TDP1: variants seen among roughly 807,000 people sequenced by gnomAD.
The protein encoded by TDP1 is tyr-DNA phosphodiesterase 1.
A neutral mutation model predicts 81.5 loss-of-function variants in TDP1; 64 were observed. The observed-to-expected ratio is 0.79, with a 90% CI of 0.64 to 0.97. TDP1 has a LOEUF of 0.97. Among genes scored for constraint, TDP1 ranks in the 50% least tolerant of loss-of-function variants. TDP1 has a pLI of 0.00. For synonymous variants in TDP1, 256 were observed against 264.3 expected (o/e 0.97, Z 0.30); for missense variants, 723 against 743.8 (o/e 0.97, Z 0.33).
In TDP1 at chr14:89,980,588, C is replaced by T. The variant is rs2140071314; in HGVS notation, c.840C>T (p.His280=). ...AAGAAGGCCTCCGGGTTGTCATACA[C>T]ACCTCCAACCTCATCCATGCTGACT... ...LYEEGLRVVI[H]TSNLIHADWH... Residue 280 remains histidine, a synonymous_variant, in exon 8 of 17, where the codon CAC becomes CAT. Transcript: ENST00000335725. 1.2e-6 allele frequency: 2 copies of T among 1,614,202 alleles called. No individual in the cohort carries two copies. Among genetic ancestry groups the T allele is most frequent in the East Asian group, 2.2e-5 (1 of 44,890 alleles).
Position 89,963,184 on chromosome 14 carries a change from A to C in TDP1, c.70A>C (p.Lys24Gln), listed in dbSNP as rs775713076. 3.1e-6 allele frequency: 5 copies of C among 1,614,096 alleles called. No homozygotes were observed. The highest frequency in any genetic ancestry group is 1.3e-5 in the African/African-American group (1 of 74,928). ...TGATGAAAGTGAGGAAGAAAAGCCAAAACCAGACAAGCCATCTACCTCTTC... is the reference window on the plus strand; with the variant it reads ...TGATGAAAGTGAGGAAGAAAAGCCACAACCAGACAAGCCATCTACCTCTTC... ...SSDESEEEKP[K>Q]PDKPSTSSLL... Residue 24 changes from lysine (K) to glutamine (Q), a missense_variant, in exon 3 of 17, where the codon AAA (lysine) becomes CAA (glutamine). Coordinates refer to ENST00000335725, the MANE Select transcript of TDP1 (RefSeq NM_018319.4).
chr14:90,007,142 T>C (rs1884123595), intron 14 of TDP1, among the ~76,000 whole-genome samples: 1 of 152,222 alleles, frequency 6.6e-6, no homozygotes, highest in African/African-American at 2.4e-5. Flanking sequence ...AGCCCTGTCC[T>C]TTCAAACAAA....
intron 10 of TDP1, among the ~76,000 whole-genome samples, chr14:89,986,631 G>C (rs1444493614): frequency 6.6e-6 from 1 of 152,232 alleles, no homozygotes; most frequent in Non-Finnish European, 1.5e-5. Context: ...CGGTGATTAG[G>C]TGCCTGTTTC....
At chr14:90,019,963 G>A (rs759244292) in intron 15 of TDP1, among the ~76,000 whole-genome samples, 1 of 152,162 alleles carries the variant, frequency 6.6e-6, no homozygotes, top group African/African-American at 2.4e-5. Context: ...GCTGGGCGGG[G>A]CCAGTGGGGT....
intron 14 of TDP1, among the ~76,000 whole-genome samples, chr14:89,995,519 A>G (rs1596586052): frequency 6.6e-6 from 1 of 152,238 alleles, no homozygotes; most frequent in Non-Finnish European, 1.5e-5. Flanking sequence ...TGAGCATTCC[A>G]ATATGATTAA....
chr14:89,985,033 T>C (rs1895399891), intron 9 of TDP1, 99 bp from the exon 10 acceptor site: 1 of 1,325,086 alleles, frequency 7.5e-7, no homozygotes, highest in Non-Finnish European at 1.0e-6. Flanking sequence ...TCTTAGATCA[T>C]TTCTTGATTA....
intron 14 of TDP1, among the ~76,000 whole-genome samples, chr14:90,006,243 C>T (rs34453617): frequency 0.017 from 2,618 of 152,252 alleles, 68 homozygotes; most frequent in African/African-American, 0.059. Flanking sequence ...TGAAAACATG[C>T]ATCATAATCA....
Position 90,007,326 on chromosome 14 carries a change from T to C in TDP1, c.1542-11990T>C, listed in dbSNP as rs73328419. 3.9e-3 allele frequency among the ~76,000 whole-genome samples: 601 copies of C among 152,234 alleles called. 3 individuals are homozygous for C. Among genetic ancestry groups the C allele is most frequent in the African/African-American group, 0.014 (581 of 41,544 alleles). On this transcript the variant is annotated intron_variant, in intron 14 of 16. Coordinates refer to ENST00000335725, the MANE Select transcript of TDP1 (RefSeq NM_018319.4). ...CGGACGCGGTGGCTCACACTGCCCA[T>C]ACCTGTAATCCCAGCACTTTAGGAA...
chr14:90,009,958 C>G (rs1260786296), intron 14 of TDP1, among the ~76,000 whole-genome samples: 7 of 152,172 alleles, frequency 4.6e-5, no homozygotes, highest in African/African-American at 1.7e-4. Context: ...AAACCTTAGC[C>G]TATCTTAGGA....
intron 12 of TDP1, chr14:89,991,482 A>T (rs1407325931): frequency 3.6e-6 from 3 of 829,926 alleles, no homozygotes; most frequent in Non-Finnish European, 2.9e-6. Flanking sequence ...AAGAATTGTA[A>T]ATAGTCCTTA....
At chr14:90,022,861 A>C (rs1176360547) in intron 15 of TDP1, 2 of 606,708 alleles carry the variant, frequency 3.3e-6, no homozygotes, top group Non-Finnish European at 4.1e-6. Flanking sequence ...TTATACGTGC[A>C]CAGGAGTGAG....
chr14:90,027,039 T>A (rs765367662), intron 15 of TDP1, among the ~76,000 whole-genome samples: 3 of 152,216 alleles, frequency 2.0e-5, no homozygotes, highest in Non-Finnish European at 2.9e-5. Flanking sequence ...CGCCACACTG[T>A]CTTCCACAAT....
intron 2 of TDP1, among the ~76,000 whole-genome samples, chr14:89,961,354 G>A (rs1408944958): frequency 6.6e-6 from 1 of 152,178 alleles, no homozygotes; most frequent in Non-Finnish European, 1.5e-5. Flanking sequence ...AACCAGAGGG[G>A]TCAGTTAGTC....
Position 90,044,047 on chromosome 14 carries a change from C to G in TDP1, c.*904C>G, listed in dbSNP as rs886050884. 6.6e-6 allele frequency: 1 copy of G among 152,300 alleles called. No homozygotes were observed. Among genetic ancestry groups the G allele is most frequent in the Non-Finnish European group, 1.5e-5 (1 of 68,114 alleles). The allele number at this position is 152,300 out of a possible 1,614,324, so 9.4% of individuals were successfully genotyped here. On this transcript the variant is annotated 3_prime_UTR_variant, in exon 17 of 17. Coordinates refer to ENST00000335725, the MANE Select transcript of TDP1 (RefSeq NM_018319.4). ...ATTGTATTGACTGTCCTCACAGCGG[C>G]TTTTCATAGCTTTCAGCTTCAGCTT...
At chr14:90,027,674 A>G (rs888134908) in intron 15 of TDP1, among the ~76,000 whole-genome samples, 1 of 152,158 alleles carries the variant, frequency 6.6e-6, no homozygotes, top group Admixed American at 6.5e-5. Flanking sequence ...GAGAAAGAGA[A>G]TGAACTTTGA....
intron 14 of TDP1, among the ~76,000 whole-genome samples, chr14:90,008,056 GA>G (rs1884254545): frequency 1.3e-5 from 2 of 152,148 alleles, no homozygotes; most frequent in African/African-American, 4.8e-5. Context: ...GTTTAGCTAC[GA>G]TGGATAAATA....
rs1895876189 is a variant in TDP1, at chr14:89,988,995, G to A, written c.1222G>A (p.Glu408Lys). The change falls in exon 11 of 17, where the codon GAA becomes AAA. Residue 408 changes from glutamate (E) to lysine (K), a missense_variant. Coordinates refer to ENST00000335725, the MANE Select transcript of TDP1 (RefSeq NM_018319.4). Reference sequence around the variant, plus strand: ...AAGCGTTGGCTCCTTGGGAGCCGATGAATCAAAGTGGTTATGTTCTGAGTT... The same window carrying A: ...AAGCGTTGGCTCCTTGGGAGCCGATAAATCAAAGTGGTTATGTTCTGAGTT... ...FSSVGSLGADESKWLCSEFKE... is the reference protein window; with the variant it reads ...FSSVGSLGADKSKWLCSEFKE... 7 of 1,614,064 alleles carry A rather than the reference G, an allele frequency of 4.3e-6. No homozygotes were observed. Among genetic ancestry groups the A allele is most frequent in the Non-Finnish European group, 5.9e-6 (7 of 1,180,038 alleles).
chr14:90,010,045 C>A (rs985219951), intron 14 of TDP1, among the ~76,000 whole-genome samples: 1 of 152,146 alleles, frequency 6.6e-6, no homozygotes, highest in African/African-American at 2.4e-5. Context: ...AACAAGAATA[C>A]CCTACAACCT....
upstream of TDP1, chr14:89,955,552 A>G (rs1891466957): frequency 6.6e-6 from 1 of 152,294 alleles, no homozygotes; most frequent in Admixed American, 6.5e-5. Context: ...GTCTGCACCC[A>G]GCCCCTCCCA....
Sources: gnomAD v4.1 joint callset for allele counts (sites outside exome capture counted in the v4.1 genomes callset) on GRCh38, gnomAD v4.1.1 for gene constraint, MANE v1.5 for transcripts, NCBI Gene and HGNC (gene_info 2026-07-23, HGNC 2026-07-21) for gene names.